CNTLN: variants seen among roughly 807,000 people sequenced by gnomAD.
The protein encoded by CNTLN is centlein, also known as centlein, centrosomal protein.
In CNTLN, 212 loss-of-function variants were observed where a neutral mutation model predicts 180.0. That is an observed-to-expected ratio of 1.18 (90% CI 1.05 to 1.32). The LOEUF (loss-of-function observed/expected upper bound fraction) is 1.32. Among genes scored for constraint, CNTLN ranks in the 40% most tolerant of loss-of-function variants. The pLI is 0.00. For missense variants in CNTLN, 2,095 were observed against 1,610.9 expected (o/e 1.30, Z -5.14); for synonymous variants, 722 against 563.1 (o/e 1.28, Z -3.99).
rs1007029143 is a variant in CNTLN at position 17,484,392 on chromosome 9, C to T, written c.3953C>T (p.Ser1318Leu). The T allele has an allele frequency of 4.3e-6, 7 of 1,612,806 alleles. No individual in the cohort carries two copies. Among genetic ancestry groups the T allele is most frequent in the Admixed American group, 1.7e-5 (1 of 59,676 alleles). The change falls in exon 24 of 26, where the codon TCA (serine) becomes TTA (leucine). Residue 1318 changes from serine (S) to leucine (L), a missense_variant. Physicochemically the swap from Ser to Leu is moderately radical, Grantham distance 145 (BLOSUM62 -2). Transcript: ENST00000380647. ...MKKNRDACKTSTHKAQTLAAS... is the reference protein window; with the variant it reads ...MKKNRDACKTLTHKAQTLAAS... ...AAAAACAGGGACGCCTGTAAAACCT[C>T]AACCCATAAAGCCCAGACCTTGGCA... is the stretch of plus-strand genomic sequence containing the variant.
At chr9:17,484,053 A>G (rs1017104287) in intron 23 of CNTLN, among the ~76,000 whole-genome samples, 5 of 152,176 alleles carry the variant, frequency 3.3e-5, no homozygotes, top group African/African-American at 1.2e-4. Context: ...CAGTTGGTGT[A>G]TCTGAAAGAG....
chr9:17,331,117 A>G (rs1372536144), intron 9 of CNTLN, among the ~76,000 whole-genome samples: 1 of 151,882 alleles, frequency 6.6e-6, no homozygotes. Flanking sequence ...ATATTAATCT[A>G]TCTGATTAAA....
At position 17,226,243 on chromosome 9, in the gene CNTLN, G is replaced by C. The variant is rs1447009206; in HGVS notation, c.490G>C (p.Glu164Gln). ...TGAAGCTAAAGACAGAAAAGTTCTA[G>C]AAATTCTGCAAGTCAAGGATGCCAA... ...KSEAKDRKVL[E>Q]ILQVKDAKIQ... Residue 164 changes from glutamate to glutamine, a missense_variant, in exon 3 of 26, where the codon GAA (glutamate) becomes CAA (glutamine). By Grantham distance (29) the Glu-to-Gln change is conservative (BLOSUM62 2). Coordinates refer to ENST00000380647, the MANE Select transcript of CNTLN (RefSeq NM_017738.4). 1 of 1,581,460 alleles carries C rather than the reference G, an allele frequency of 6.3e-7. No individual in the cohort carries two copies. Among genetic ancestry groups the C allele is most frequent in the African/African-American group, 1.4e-5 (1 of 73,170 alleles).
At chr9:17,197,942 T>C (rs1427147228) in intron 2 of CNTLN, among the ~76,000 whole-genome samples, 1 of 152,180 alleles carries the variant, frequency 6.6e-6, no homozygotes, top group Non-Finnish European at 1.5e-5. Flanking sequence ...CTAGTTTCAT[T>C]CTTCTGCATA....
At position 17,402,022 on chromosome 9, in the gene CNTLN, G is replaced by A. The variant is rs73428117; in HGVS notation, c.2615+6953G>A. ...ACAGGAAATATTAATGGCTTGAGGA[G>A]ATGACTCAGTGAACCAAAGATTATG... On this transcript the variant is annotated intron_variant, in intron 15 of 25. Coordinates refer to ENST00000380647, the MANE Select transcript of CNTLN (RefSeq NM_017738.4). 8.6e-3 allele frequency among the ~76,000 whole-genome samples: 1,309 copies of A among 151,888 alleles called. 53 individuals are homozygous for A. The highest frequency in any genetic ancestry group is 0.03 in the African/African-American group (1,230 of 41,240).
At chr9:17,142,433 TGAGAG>T (rs1818168837) in intron 1 of CNTLN, among the ~76,000 whole-genome samples, 1 of 152,138 alleles carries the variant, frequency 6.6e-6, no homozygotes, top group Non-Finnish European at 1.5e-5. Context: ...GGCAGATTTG[TGAGAG>T]GGTAAGGAAC....
chr9:17,253,005 T>C (rs1008145173), intron 5 of CNTLN, among the ~76,000 whole-genome samples: 29 of 151,748 alleles, frequency 1.9e-4, no homozygotes, highest in Admixed American at 7.9e-4. Flanking sequence ...TCTAGCACCA[T>C]TTATTGAAGA....
chr9:17,249,162 A>G (rs571631183), intron 5 of CNTLN, among the ~76,000 whole-genome samples: 39 of 152,190 alleles, frequency 2.6e-4, no homozygotes, highest in African/African-American at 9.4e-4. Context: ...TCAAGATACA[A>G]ACTTAGGATA....
intron 25 of CNTLN, among the ~76,000 whole-genome samples, chr9:17,499,114 G>C (rs1204959517): frequency 6.6e-6 from 1 of 152,100 alleles, no homozygotes; most frequent in Non-Finnish European, 1.5e-5. Context: ...AAACAAATAA[G>C]CAGACCATGT....
intron 2 of CNTLN, among the ~76,000 whole-genome samples, chr9:17,216,610 TATTTCTTATTTTATTTCA>T (rs925533234): frequency 3.3e-5 from 5 of 152,230 alleles, no homozygotes; most frequent in Non-Finnish European, 7.3e-5. Context: ...TTTTTATTTC[TATTTCTTATTTTATTTCA>T]ATTTTTAGAG....
At chr9:17,372,057 A>G (rs1306056135) in intron 13 of CNTLN, among the ~76,000 whole-genome samples, 1 of 152,152 alleles carries the variant, frequency 6.6e-6, no homozygotes, top group Non-Finnish European at 1.5e-5. Context: ...GAAGAGCTAG[A>G]AAAGCTAGAG....
intron 13 of CNTLN, among the ~76,000 whole-genome samples, chr9:17,374,835 G>A (rs1409713404): frequency 6.6e-6 from 1 of 151,720 alleles, no homozygotes; most frequent in Non-Finnish European, 1.5e-5. Context: ...ACTCCAGCCT[G>A]GGTGACAGAA....
intron 2 of CNTLN, among the ~76,000 whole-genome samples, chr9:17,192,601 A>G (rs1821860464): frequency 1.3e-5 from 2 of 152,134 alleles, no homozygotes; most frequent in East Asian, 3.8e-4. Flanking sequence ...GAACATGAGT[A>G]ACTTGCTTAA....
chr9:17,480,922 C>T (rs541349529), intron 23 of CNTLN, among the ~76,000 whole-genome samples: 1 of 152,266 alleles, frequency 6.6e-6, no homozygotes, highest in Admixed American at 6.5e-5. Flanking sequence ...ACATAGGAAT[C>T]TTAAGCTATG....
rs1202472658 is a variant in CNTLN, at chr9:17,135,238, T to C, written c.173T>C (p.Val58Ala). Residue 58 changes from valine (V) to alanine (A), a missense_variant, in exon 1 of 26, where the codon GTG (valine) becomes GCG (alanine). Physicochemically the swap from Val to Ala is moderately conservative, Grantham distance 64. Transcript: ENST00000380647. ...GCGGACGAAAGTGATAAAATCTGGG[T>C]GGGTGAAGAAGGGTCAGGGGGCCGG... ...VVADESDKIW[V>A]GEEGSGGRRG... 2 of 1,608,148 alleles carry C rather than the reference T, an allele frequency of 1.2e-6. No individual in the cohort carries two copies. Among genetic ancestry groups the C allele is most frequent in the Admixed American group, 1.7e-5 (1 of 59,298 alleles).
intron 7 of CNTLN, among the ~76,000 whole-genome samples, chr9:17,303,979 CTT>C (rs1256690022): frequency 2.0e-5 from 3 of 152,136 alleles, no homozygotes; most frequent in Non-Finnish European, 4.4e-5. Context: ...CCTCTGTTCT[CTT>C]TCTCTCAATT....
At chr9:17,252,961 A>T (rs1354858297) in intron 5 of CNTLN, among the ~76,000 whole-genome samples, 1 of 151,632 alleles carries the variant, frequency 6.6e-6, no homozygotes, top group Non-Finnish European at 1.5e-5. Flanking sequence ...AGATGTGTCC[A>T]GTTTCATTCT....
intron 6 of CNTLN, among the ~76,000 whole-genome samples, chr9:17,295,909 C>G (rs1310425096): frequency 6.7e-6 from 1 of 150,046 alleles, no homozygotes; most frequent in East Asian, 2.0e-4. Context: ...GTGCTTTTTC[C>G]CAGGTTGATT....
intron 5 of CNTLN, among the ~76,000 whole-genome samples, chr9:17,265,542 T>A (rs900206062): frequency 6.6e-6 from 1 of 152,228 alleles, no homozygotes; most frequent in East Asian, 1.9e-4. Flanking sequence ...GGTTTGAGGA[T>A]GATGCTGGCC....
Sources: gnomAD v4.1 joint callset for allele counts (sites outside exome capture counted in the v4.1 genomes callset) on GRCh38, gnomAD v4.1.1 for gene constraint, MANE v1.5 for transcripts, NCBI Gene and HGNC (gene_info 2026-07-23, HGNC 2026-07-21) for gene names.